The following RIPOR3 variants were observed in gnomAD, a reference collection of about 807,000 sequenced individuals.
RIPOR3 encodes the protein RIPOR family member 3.
Under a neutral mutation model 114.3 loss-of-function variants are expected in RIPOR3, and 95 were observed. That is an observed-to-expected ratio of 0.83 (90% CI 0.70 to 0.99). The LOEUF (loss-of-function observed/expected upper bound fraction) is 0.99. Ranked by LOEUF, RIPOR3 falls within the 50% of genes least tolerant of loss-of-function variation. The pLI is 0.00. For synonymous variants in RIPOR3, 575 were observed against 543.8 expected, an observed-to-expected ratio of 1.06 and a Z score of -0.80; for missense variants, 1,252 against 1,266.9, an observed-to-expected ratio of 0.99 and a Z score of 0.18.
intron 1 of RIPOR3, among the ~76,000 whole-genome samples, chr20:50,649,365 A>G (rs2085522516): frequency 6.6e-6 from 1 of 152,186 alleles, no homozygotes; most frequent in African/African-American, 2.4e-5. Context: ...GAATCGCTCA[A>G]ACCCAGGAGG....
At position 50,593,277 on chromosome 20, in the gene RIPOR3, T is replaced by TA. The variant is rs2083174615; in HGVS notation, c.2213-82dup. ...CTCAGCTGGGAGTAGCCTGGTCAGC[T>TA]AAAAGGCTTTCTGGGCCGGGCGCAG... On this transcript the variant is annotated intron_variant, in intron 17 of 21. Coordinates refer to ENST00000327979, the MANE Select transcript of RIPOR3 (RefSeq NM_001290268.2). The TA allele has an allele frequency of 2.4e-5, 36 of 1,500,506 alleles. No homozygotes were observed. In the South Asian group the frequency reaches 4.4e-4, roughly 18 times the overall value. The allele number at this position is 1,500,506 out of a possible 1,614,324, so 92.9% of individuals were successfully genotyped here.
chr20:50,682,667 G>A (rs901437545), intron 1 of RIPOR3, among the ~76,000 whole-genome samples: 9 of 112,548 alleles, frequency 8.0e-5, no homozygotes, highest in African/African-American at 1.4e-4. Context: ...ATATCTTTAC[G>A]TAAAGTTCAA....
chr20:50,613,632 G>T (rs1490128249), intron 4 of RIPOR3, among the ~76,000 whole-genome samples: 2 of 152,138 alleles, frequency 1.3e-5, no homozygotes, highest in African/African-American at 4.8e-5. Flanking sequence ...CTCCAGTGCG[G>T]TCACTGTGCC....
chr20:50,586,415 G>A lies in RIPOR3; in HGVS notation c.*817C>T, dbSNP rs1180255830. 6.6e-6 allele frequency: 1 copy of A among 152,334 alleles called. No individual in the cohort carries two copies. Among genetic ancestry groups the A allele is most frequent in the African/African-American group, 2.4e-5 (1 of 41,424 alleles). 9.4% of individuals were successfully genotyped at this position (152,334 alleles called of 1,614,324 possible). On this transcript the variant is annotated 3_prime_UTR_variant, in exon 22 of 22. Coordinates refer to ENST00000327979, the MANE Select transcript of RIPOR3 (RefSeq NM_001290268.2). ...AGTGAACTCTTTCTTTAGGCCAGTT[G>A]ATGGCTTCTTAGCAGTTTATTGACG...
intron 15 of RIPOR3, 88 bp from the exon 16 acceptor site, chr20:50,595,592 C>A: frequency 6.5e-7 from 1 of 1,546,150 alleles, no homozygotes; most frequent in South Asian, 1.2e-5. Flanking sequence ...CTGCTTGTGC[C>A]CATCTCTTCT....
Position 50,602,477 on chromosome 20 carries a change from C to T in RIPOR3, c.1254G>A (p.Thr418=), listed in dbSNP as rs535471794. Residue 418 remains threonine (T), a synonymous_variant, in exon 13 of 22, where the codon ACG becomes ACA. Transcript: ENST00000327979. This position sits in a 1 kb window ranked among gnomAD's most constrained non-coding sequence, Gnocchi z 4.3. The part of the protein sequence containing the change: ...DSFSSEDPRD[T]ETSTSASTSD... ...AGGTGGACGCCGACGTGCTGGTCTC[C>T]GTGTCTCGGGGGTCCTCAGAGCTGA... The T allele has an allele frequency of 1.7e-5, 26 of 1,555,200 alleles. No individual in the cohort carries two copies. Among genetic ancestry groups the T allele is most frequent in the Middle Eastern group, 3.5e-4 (2 of 5,746 alleles).
At chr20:50,627,760 G>A (rs1000205538) in intron 2 of RIPOR3, among the ~76,000 whole-genome samples, 14 of 152,124 alleles carry the variant, frequency 9.2e-5, no homozygotes, top group African/African-American at 2.9e-4. Context: ...AATCGAGATC[G>A]CACCACTGCA....
At chr20:50,688,913 A>G (rs2087116513) in intron 1 of RIPOR3, among the ~76,000 whole-genome samples, 1 of 152,172 alleles carries the variant, frequency 6.6e-6, no homozygotes, top group Non-Finnish European at 1.5e-5. Flanking sequence ...TCTGATGGGG[A>G]AAACCTCAGC....
Position 50,609,205 on chromosome 20 carries a change from C to T in RIPOR3, c.640+88G>A, listed in dbSNP as rs143843222. On this transcript the variant is annotated intron_variant, in intron 8 of 21. Transcript: ENST00000327979. ...AAAAGCCAGGGCTGGGCTCAGACCC[C>T]TGGGATTCTGGCCAATTCCCGTGCC... 1,756 of 1,512,772 alleles carry T rather than the reference C, an allele frequency of 1.2e-3. 18 individuals are homozygous for T. The African/African-American group carries it at 0.017, about 15-fold the overall frequency. 93.7% of individuals were successfully genotyped at this position (1,512,772 alleles called of 1,614,324 possible).
chr20:50,601,970 G>A, intron 13 of RIPOR3, 102 bp downstream of exon 13: 1 of 1,192,610 alleles, frequency 8.4e-7, no homozygotes, highest in South Asian at 1.6e-5. Flanking sequence ...GCAGAGGTGA[G>A]GCCAGGATGT....
chr20:50,596,362 G>A, intron 14 of RIPOR3, 99 bp from the exon 15 acceptor site: 1 of 1,537,316 alleles, frequency 6.5e-7, no homozygotes, highest in Non-Finnish European at 8.9e-7. Context: ...CAGGTCAGGA[G>A]GCCCACTCCA....
intron 1 of RIPOR3, among the ~76,000 whole-genome samples, chr20:50,643,459 C>T (rs373098988): frequency 1.1e-4 from 16 of 149,932 alleles, no homozygotes; most frequent in East Asian, 6.1e-4. Flanking sequence ...TTTGGGAGGC[C>T]GAGGTGGGAA....
chr20:50,640,887 A>G (rs2085165650), intron 1 of RIPOR3, among the ~76,000 whole-genome samples: 1 of 151,792 alleles, frequency 6.6e-6, no homozygotes, highest in African/African-American at 2.4e-5. Context: ...TCATTGTTAT[A>G]GCAAGTTGTA....
At chr20:50,594,504 C>CTA in intron 17 of RIPOR3, 49 bp downstream of exon 17, 1 of 1,588,920 alleles carries the variant, frequency 6.3e-7, no homozygotes, top group Non-Finnish European at 8.6e-7. Flanking sequence ...CCTGGAGACT[C>CTA]AATACAGCCT....
intron 1 of RIPOR3, 143 bp from the exon 2 acceptor site, chr20:50,630,999 G>T (rs997158849): frequency 6.0e-6 from 4 of 667,186 alleles, no homozygotes; most frequent in Non-Finnish European, 1.0e-5. Context: ...CAGCTCACAG[G>T]TCAGCAAGCT....
intron 5 of RIPOR3, 28 bp downstream of exon 5, chr20:50,611,153 C>G: frequency 6.2e-7 from 1 of 1,614,194 alleles, no homozygotes; most frequent in Non-Finnish European, 8.5e-7. Flanking sequence ...CAGGCCCAGC[C>G]CACCTCACTC....
intron 2 of RIPOR3, 54 bp downstream of exon 2, chr20:50,630,684 C>T: frequency 6.9e-7 from 1 of 1,459,376 alleles, no homozygotes; most frequent in East Asian, 2.5e-5. Context: ...CCTTCCCCAG[C>T]CCATTAACAA....
In RIPOR3 at chr20:50,608,937, C is replaced by T; in HGVS notation, c.659G>A (p.Arg220His). ...CTCATAGTGGTCTCCGGGACAGAGG[C>T]GTGCGTAGCCCACCAAGCCTGGAAC... ...IRMKGLVGYA[R>H]LCPGDHYEVL... Residue 220 changes from arginine to histidine, a missense_variant, in exon 9 of 22, where the codon CGC (arginine) becomes CAC (histidine). Physicochemically the swap from Arg to His is conservative, Grantham distance 29. Transcript: ENST00000327979. 11 of 1,586,460 alleles carry T rather than the reference C, an allele frequency of 6.9e-6. No homozygotes were observed. The highest frequency in any genetic ancestry group is 1.1e-5 in the South Asian group (1 of 87,342).
intron 19 of RIPOR3, among the ~76,000 whole-genome samples, chr20:50,591,388 G>A (rs1316197093): frequency 6.6e-6 from 1 of 152,172 alleles, no homozygotes; most frequent in African/African-American, 2.4e-5. Flanking sequence ...AGTGATACAG[G>A]GGAGTGGAGG....
Sources: allele counts gnomAD v4.1 joint callset (sites outside exome capture counted in the v4.1 genomes callset), GRCh38; gene constraint gnomAD v4.1.1; non-coding constraint Gnocchi (gnomAD v3.1); transcripts MANE v1.5; gene names NCBI Gene and HGNC (gene_info 2026-07-23, HGNC 2026-07-21).